The following SPTB variants were observed in gnomAD, a reference collection of about 807,000 sequenced individuals.
SPTB encodes spectrin beta chain, erythrocytic.
SPTB carries 45 observed loss-of-function variants against 256.2 expected under a neutral mutation model. That is an observed-to-expected ratio of 0.18 (90% CI 0.14 to 0.23). SPTB has a LOEUF of 0.23. Ranked by LOEUF, SPTB falls within the 10% of genes least tolerant of loss-of-function variation. The pLI is 1.00. For synonymous variants in SPTB, 1,231 were observed against 1,243.1 expected, an observed-to-expected ratio of 0.99 and a Z score of 0.21; for missense variants, 2,715 against 3,040.4, an observed-to-expected ratio of 0.89 and a Z score of 2.52.
At chr14:64,857,123 C>T (rs1409879223) in intron 1 of SPTB, among the ~76,000 whole-genome samples, 2 of 152,144 alleles carry the variant, frequency 1.3e-5, no homozygotes, top group Admixed American at 6.6e-5. Flanking sequence ...CCGCAATACA[C>T]AAATTTGATA....
intron 1 of SPTB, among the ~76,000 whole-genome samples, chr14:64,860,333 T>C (rs1424278632): frequency 3.3e-5 from 5 of 152,252 alleles, no homozygotes; most frequent in Non-Finnish European, 7.3e-5. Flanking sequence ...ATTCTTTCCC[T>C]GCTTCTACAG....
rs1181569036 is a variant in SPTB, at chr14:64,826,042, T to C, written c.-51-2897A>G. 6.6e-6 allele frequency among the ~76,000 whole-genome samples: 1 copy of C among 152,192 alleles called. No individual in the cohort carries two copies. Among genetic ancestry groups the C allele is most frequent in the Non-Finnish European group, 1.5e-5 (1 of 68,036 alleles). Reference sequence around the variant, plus strand: ...GAAAACAAACACCAAGGAAAGATGATTCAGAAATGAAAGTGAGGCCCCTTT... The same window carrying C: ...GAAAACAAACACCAAGGAAAGATGACTCAGAAATGAAAGTGAGGCCCCTTT... On this transcript the variant is annotated intron_variant, in intron 1 of 35. Transcript: ENST00000644917. The surrounding 1 kb of genome is among the most constrained non-coding windows in gnomAD (Gnocchi z 4.4).
chr14:64,836,170 G>C (rs746486394), intron 1 of SPTB, among the ~76,000 whole-genome samples: 137 of 152,294 alleles, frequency 9.0e-4, no homozygotes, highest in Middle Eastern at 6.8e-3. Flanking sequence ...AAATTCCTAG[G>C]ACCTAGAGGA....
At position 64,767,718 on chromosome 14, in the gene SPTB, T is replaced by C; in HGVS notation, c.6164A>G (p.Glu2055Gly). The C allele has an allele frequency of 6.2e-7, 1 of 1,614,210 alleles. No individual in the cohort carries two copies. The highest frequency in any genetic ancestry group is 2.2e-5 in the East Asian group (1 of 44,878). Residue 2055 changes from glutamate to glycine, a missense_variant, in exon 30 of 36, where the codon GAG becomes GGG. Around this residue, in one of 4 missense-constraint regions of SPTB, gnomAD observed 2,239 missense variants for 2,384.4 expected, o/e 0.94. Coordinates refer to ENST00000644917, the MANE Select transcript of SPTB (RefSeq NM_001355436.2). ...CTCTGCCCAGCTGGCCGTGGACTTC[T>C]CAAAAGCCTCATGCCTCTTGATGAG... Reference protein sequence around the residue: ...EKLIKRHEAFEKSTASWAERF... With the variant: ...EKLIKRHEAFGKSTASWAERF...
chr14:64,851,131 A>G (rs1166885402), intron 1 of SPTB, among the ~76,000 whole-genome samples: 1 of 152,210 alleles, frequency 6.6e-6, no homozygotes, highest in Non-Finnish European at 1.5e-5. Context: ...AGACCCAGTG[A>G]GCAACACAAA....
Position 64,770,974 on chromosome 14 carries a change from C to T in SPTB, c.5709G>A (p.Ala1903=), listed in dbSNP as rs199823808. Residue 1903 remains alanine, a synonymous_variant, in exon 27 of 36, where the codon GCG becomes GCA. Coordinates refer to ENST00000644917, the MANE Select transcript of SPTB (RefSeq NM_001355436.2). ...AGRRTQLVDT[A]DKFRFFSMAR... is the part of the protein sequence containing the mutation. ...CCATGCTGAAGAAGCGGAATTTATC[C>T]GCCGTGTCCACTAGCTGGGTCCGGC... 18 of 1,614,120 alleles carry T rather than the reference C, an allele frequency of 1.1e-5. No homozygotes were observed. The highest frequency in any genetic ancestry group is 5.0e-5 in the Admixed American group (3 of 60,032).
chr14:64,769,058 C>T lies in SPTB; in HGVS notation c.5998G>A (p.Ala2000Thr), dbSNP rs760877945. Residue 2000 changes from alanine (A) to threonine (T), a missense_variant, in exon 29 of 36, where the codon GCC becomes ACC. Physicochemically the swap from Ala to Thr is moderately conservative, Grantham distance 58 (BLOSUM62 0). This residue lies in a region of SPTB where 2,239 missense variants were observed against 2,384.4 expected (regional missense o/e 0.94). Coordinates refer to ENST00000644917, the MANE Select transcript of SPTB (RefSeq NM_001355436.2). ...RRKEMNEKWE[A>T]RWERLRMLLE... ...CACATGCGGAGCCGCTCCCAGCGGG[C>T]TTCCCACTTCTCATTCATCTCTTTC... 1.1e-5 allele frequency: 17 copies of T among 1,613,564 alleles called. No homozygotes were observed. Among genetic ancestry groups the T allele is most frequent in the Non-Finnish European group, 1.4e-5 (17 of 1,180,020 alleles).
At chr14:64,870,916 A>G (rs1215422789) in intron 1 of SPTB, among the ~76,000 whole-genome samples, 1 of 152,144 alleles carries the variant, frequency 6.6e-6, no homozygotes, top group Admixed American at 6.5e-5. Flanking sequence ...GAGGGAATGG[A>G]GAGTTAGTGT....
At position 64,786,175 on chromosome 14, in the gene SPTB, A is replaced by AG. The variant is rs1376440221; in HGVS notation, c.3562-225dup. On this transcript the variant is annotated intron_variant, in intron 16 of 35. Coordinates refer to ENST00000644917, the MANE Select transcript of SPTB (RefSeq NM_001355436.2). This position sits in a 1 kb window ranked among gnomAD's most constrained non-coding sequence, Gnocchi z 5.6. Reference sequence around the variant, plus strand: ...AAGCCACATGGAAGGCTAACCACCCAGGGCAAAATGCGCTTCTCTAGCCTC... The same window carrying AG: ...AAGCCACATGGAAGGCTAACCACCCAGGGGCAAAATGCGCTTCTCTAGCCTC... Among the ~76,000 whole-genome samples the AG allele has an allele frequency of 3.9e-5, 6 of 152,136 alleles. No homozygotes were observed. The highest frequency in any genetic ancestry group is 1.4e-4 in the African/African-American group (6 of 41,438).
intron 32 of SPTB, among the ~76,000 whole-genome samples, chr14:64,762,586 T>C (rs1384342727): frequency 1.3e-5 from 2 of 152,176 alleles, no homozygotes; most frequent in East Asian, 3.9e-4. Context: ...TTTAATCCTA[T>C]GGGAATGGAG....
In SPTB at chr14:64,750,203, C is replaced by T; in HGVS notation, c.6603-49G>A. The T allele has an allele frequency of 1.9e-6, 3 of 1,583,744 alleles. No individual in the cohort carries two copies. The South Asian group carries it at 3.4e-5, about 18-fold the overall frequency. On this transcript the variant is annotated intron_variant, in intron 33 of 35. Transcript: ENST00000644917. Reference sequence around the variant, plus strand: ...TCACCCACATCCTGATATGGTATCTCTAGAGTCAATTCCTATAGCTTCACC... The same window carrying T: ...TCACCCACATCCTGATATGGTATCTTTAGAGTCAATTCCTATAGCTTCACC...
In SPTB at chr14:64,847,199, C is replaced by A. The variant is rs1482766004; in HGVS notation, c.-51-24054G>T. On this transcript the variant is annotated intron_variant, in intron 1 of 35. Coordinates refer to ENST00000644917, the MANE Select transcript of SPTB (RefSeq NM_001355436.2). The surrounding 1 kb of genome is among the most constrained non-coding windows in gnomAD (Gnocchi z 5.9). ...TCCAGAAAATTAAAACAGAATTTCACTAGGAAACAGTGACCCCAAAGGCCA... is the reference window on the plus strand; with the variant it reads ...TCCAGAAAATTAAAACAGAATTTCAATAGGAAACAGTGACCCCAAAGGCCA... 6.6e-6 allele frequency among the ~76,000 whole-genome samples: 1 copy of A among 152,218 alleles called. No homozygotes were observed. The highest frequency in any genetic ancestry group is 1.5e-5 in the Non-Finnish European group (1 of 68,038).
intron 1 of SPTB, among the ~76,000 whole-genome samples, chr14:64,864,562 G>A (rs141619189): frequency 0.015 from 2,305 of 152,174 alleles, 24 homozygotes; most frequent in Middle Eastern, 0.051. Context: ...AAAAATAAAT[G>A]ACCACAGCAT....
rs1200330294 is a variant in SPTB at position 64,826,322 on chromosome 14, T to G, written c.-51-3177A>C. On this transcript the variant is annotated intron_variant, in intron 1 of 35. Coordinates refer to ENST00000644917, the MANE Select transcript of SPTB (RefSeq NM_001355436.2). The surrounding 1 kb of genome is among the most constrained non-coding windows in gnomAD (Gnocchi z 4.4). ...GGCGTCACCATGTCTCTTTCCATAC[T>G]GTTACAACGGCCCTTCAAAGGCCTG... 6.6e-6 allele frequency among the ~76,000 whole-genome samples: 1 copy of G among 152,180 alleles called. No individual in the cohort carries two copies. The highest frequency in any genetic ancestry group is 1.5e-5 in the Non-Finnish European group (1 of 68,032).
At chr14:64,805,164 T>C (rs1471069320) in intron 2 of SPTB, 74 bp from the exon 3 acceptor site, 28 of 1,562,892 alleles carry the variant, frequency 1.8e-5, no homozygotes, top group South Asian at 2.2e-5. Context: ...CAAGGGGTTT[T>C]ACCTTAAGCC....
At position 64,796,677 on chromosome 14, in the gene SPTB, C is replaced by T. The variant is rs754114701; in HGVS notation, c.1221G>A (p.Glu407=). The T allele has an allele frequency of 1.9e-6, 3 of 1,614,088 alleles. No individual in the cohort carries two copies. The African/African-American group carries it at 4.0e-5, about 22-fold the overall frequency. Residue 407 remains glutamate (E), a synonymous_variant, in exon 11 of 36, where the codon GAG becomes GAA. Transcript: ENST00000644917. The surrounding 1 kb of genome is among the most constrained non-coding windows in gnomAD (Gnocchi z 4.1). ...ESLEEAEYRR[E]LALRNELIRQ... ...GAATGAGCTCATTTCTCAGGGCCAG[C>T]TCCCGCCGATACTCAGCTTCCTCCA...
rs956798203 is a variant in SPTB, at chr14:64,759,841, C to T, written c.6346-6048G>A. On this transcript the variant is annotated intron_variant, in intron 32 of 35. Transcript: ENST00000644917. This position sits in a 1 kb window ranked among gnomAD's most constrained non-coding sequence, Gnocchi z 4.8. ...CTGCTTGGAAGAAATTCTGGGTGTC[C>T]AGTTGCGGGCAGCAAGGGAGTCTAG... Among the ~76,000 whole-genome samples, 5 of 152,156 alleles carry T rather than the reference C, an allele frequency of 3.3e-5. No homozygotes were observed. The highest frequency in any genetic ancestry group is 5.9e-5 in the Non-Finnish European group (4 of 68,032).
rs559474125 is a variant in SPTB at position 64,793,277 on chromosome 14, G to A, written c.2386C>T (p.Arg796Cys). 36 of 1,606,852 alleles carry A rather than the reference G, an allele frequency of 2.2e-5. No homozygotes were observed. The highest frequency in any genetic ancestry group is 2.2e-4 in the Admixed American group (13 of 60,026). Residue 796 changes from arginine (R) to cysteine (C), a missense_variant, in exon 14 of 36, where the codon CGT becomes TGT. Arg to Cys is a radical substitution (Grantham distance 180). Transcript: ENST00000644917. The surrounding 1 kb of genome is among the most constrained non-coding windows in gnomAD (Gnocchi z 7.0). Reference protein sequence around the residue: ...KDFLEELEESRGVMEHLEQQA... With the variant: ...KDFLEELEESCGVMEHLEQQA... The stretch of plus-strand genomic sequence containing the variant: ...TGCTCCAGGTGCTCCATCACCCCAC[G>A]GCTCTCCTCCAGCTCCTCCAGGAAG...
intron 1 of SPTB, among the ~76,000 whole-genome samples, chr14:64,848,183 C>G (rs761161797): frequency 1.3e-5 from 2 of 152,320 alleles, no homozygotes; most frequent in Admixed American, 1.3e-4. Flanking sequence ...ATTTTACCTT[C>G]CACAAAGGTA....
Sources: gnomAD v4.1 joint callset for allele counts (sites outside exome capture counted in the v4.1 genomes callset) on GRCh38, gnomAD v4.1.1 for gene constraint, gnomAD v4.1.1 regional missense constraint, Gnocchi (gnomAD v3.1) non-coding constraint, MANE v1.5 for transcripts, NCBI Gene and HGNC (gene_info 2026-07-23, HGNC 2026-07-21) for gene names.